Variants in RBFOX1 observed in about 807,000 individuals in gnomAD.
The protein encoded by RBFOX1 is RNA binding fox-1 homolog 1, also known as RNA binding protein fox-1 homolog 1.
Under a neutral mutation model 57.7 loss-of-function variants are expected in RBFOX1, and 8 were observed. The ratio of observed to expected loss-of-function variants is 0.14; its 90% CI spans 0.08 to 0.25. The LOEUF (loss-of-function observed/expected upper bound fraction) is 0.25. Ranked by LOEUF, RBFOX1 falls within the 10% of genes least tolerant of loss-of-function variation. The pLI, the probability that RBFOX1 is intolerant of heterozygous loss-of-function variation, is 1.00. For missense variants in RBFOX1, 611 were observed against 548.5 expected (o/e 1.11, Z -1.14); for synonymous variants, 326 against 222.4 (o/e 1.47, Z -4.15).
intron 4 of RBFOX1, among the ~76,000 whole-genome samples, chr16:7,205,797 T>G (rs2089844013): frequency 6.6e-6 from 1 of 152,230 alleles, no homozygotes; most frequent in Non-Finnish European, 1.5e-5. Context: ...ATTATCTGTA[T>G]GAGGTGAATT....
chr16:5,858,072 G>A (rs1004924754), intron 3 of RBFOX1, among the ~76,000 whole-genome samples: 19 of 152,328 alleles, frequency 1.2e-4, no homozygotes, highest in Admixed American at 2.0e-4. Flanking sequence ...GGGTTTTTAA[G>A]GATCTTTGTC....
intron 4 of RBFOX1, among the ~76,000 whole-genome samples, chr16:7,502,799 A>T (rs1288935409): frequency 6.6e-6 from 1 of 152,144 alleles, no homozygotes; most frequent in Non-Finnish European, 1.5e-5. Flanking sequence ...CAAGATGGGC[A>T]GATCATCTGA....
chr16:7,190,601 C>T (rs9930105), intron 4 of RBFOX1, among the ~76,000 whole-genome samples: 38,679 of 151,548 alleles, frequency 0.26, 5,454 homozygotes, highest in African/African-American at 0.38. Flanking sequence ...AGGTGTAGTA[C>T]TGAGGTATAG....
chr16:7,179,957 G>T (rs1008321490), intron 4 of RBFOX1, among the ~76,000 whole-genome samples: 3 of 151,740 alleles, frequency 2.0e-5, no homozygotes, highest in Non-Finnish European at 4.4e-5. Context: ...TTGCCAGGCA[G>T]ATCTAGAACT....
intron 4 of RBFOX1, among the ~76,000 whole-genome samples, chr16:6,012,588 C>G (rs1302514343): frequency 1.3e-5 from 2 of 152,190 alleles, no homozygotes; most frequent in Non-Finnish European, 2.9e-5. Flanking sequence ...GTTTAAGAAA[C>G]CCTGCTATAG....
intron 5 of RBFOX1, among the ~76,000 whole-genome samples, chr16:7,546,685 T>C (rs1451009877): frequency 2.0e-5 from 3 of 152,246 alleles, no homozygotes; most frequent in Non-Finnish European, 4.4e-5. Context: ...CGAGTCATTA[T>C]TCAATGACTA....
intron 2 of RBFOX1, among the ~76,000 whole-genome samples, chr16:6,357,261 CAG>C (rs1215072776): frequency 6.6e-6 from 1 of 152,042 alleles, no homozygotes; most frequent in Non-Finnish European, 1.5e-5. Context: ...AGCAAATAAA[CAG>C]AGAAGAAAAA....
chr16:5,565,695 T>A (rs1342037136), intron 2 of RBFOX1, among the ~76,000 whole-genome samples: 4 of 152,066 alleles, frequency 2.6e-5, no homozygotes, highest in Non-Finnish European at 5.9e-5. Context: ...TTCCCTCTTT[T>A]ATGATAACCT....
chr16:7,189,554 A>AACACACACAC lies in RBFOX1; in HGVS notation c.27+137480_27+137489dup, dbSNP rs779531861. 7.5e-3 allele frequency among the ~76,000 whole-genome samples: 1,017 copies of AACACACACAC among 135,854 alleles called. 15 individuals carry two copies. The highest frequency in any genetic ancestry group is 0.027 in the African/African-American group (931 of 34,034). The allele number at this position is 135,854 out of a possible 152,430, so 89.1% of individuals were successfully genotyped here. A position where few individuals can be genotyped will look rare whatever the true frequency, so the allele number is the denominator to read the frequency against. On this transcript the variant is annotated intron_variant, in intron 4 of 15. Coordinates refer to ENST00000550418, the MANE Select transcript of RBFOX1 (RefSeq NM_018723.4). ...CACTCCAAAACACTATGTCCCCCAAAACACACACACACACACACACACACA... is the reference window on the plus strand; with the variant it reads ...CACTCCAAAACACTATGTCCCCCAAAACACACACACACACACACACACACACACACACACA...
chr16:6,036,679 A>G (rs2095369533), intron 1 of RBFOX1, among the ~76,000 whole-genome samples: 1 of 152,296 alleles, frequency 6.6e-6, no homozygotes, highest in Non-Finnish European at 1.5e-5. Flanking sequence ...TGTGAGAGAT[A>G]GGGACAAATA....
chr16:5,421,814 A>G (rs1336900951), intron 1 of RBFOX1, among the ~76,000 whole-genome samples: 1 of 152,192 alleles, frequency 6.6e-6, no homozygotes, highest in African/African-American at 2.4e-5. Context: ...AGAAAAATGG[A>G]TATGGAGAGG....
In RBFOX1 at chr16:5,816,374, C is replaced by T. The variant is rs562965077; in HGVS notation, c.319-50929C>T. ...TCTTACTGTCTGAAGCAGCACCTCT[C>T]TACAGAAGTGACAAAACCGTCTTCT... On this transcript the variant is annotated intron_variant, in intron 3 of 19. Transcript: ENST00000641259. Among the ~76,000 whole-genome samples the T allele has an allele frequency of 1.1e-3, 175 of 152,296 alleles. 1 individual carries two copies. Among genetic ancestry groups the T allele is most frequent in the African/African-American group, 4.0e-3 (167 of 41,560 alleles).
intron 3 of RBFOX1, among the ~76,000 whole-genome samples, chr16:6,925,779 T>C (rs551018885): frequency 6.6e-6 from 1 of 152,058 alleles, no homozygotes; most frequent in South Asian, 2.1e-4. Context: ...CAGGTAGGGA[T>C]GATATTTAGA....
intron 1 of RBFOX1, among the ~76,000 whole-genome samples, chr16:6,070,093 T>G (rs2152482489): frequency 6.6e-6 from 1 of 152,378 alleles, no homozygotes; most frequent in South Asian, 2.1e-4. Flanking sequence ...CTTTAAATTC[T>G]ATTGTTTTAG....
intron 3 of RBFOX1, among the ~76,000 whole-genome samples, chr16:7,007,656 T>G (rs888708812): frequency 1.3e-5 from 2 of 152,200 alleles, no homozygotes; most frequent in African/African-American, 4.8e-5. Flanking sequence ...TCTTTCTTGT[T>G]TGGAAGCTCT....
intron 14 of RBFOX1, among the ~76,000 whole-genome samples, chr16:7,707,267 G>GGAGTCTGA (rs2082759777): frequency 6.6e-6 from 1 of 152,076 alleles, no homozygotes; most frequent in Non-Finnish European, 1.5e-5. Context: ...GGTCTAACTT[G>GGAGTCTGA]GAGTCTGAGA....
In RBFOX1 at chr16:6,019,640, C is replaced by A; in HGVS notation, c.-479C>A. On this transcript the variant is annotated 5_prime_UTR_variant, in exon 1 of 16. Transcript: ENST00000550418. This position sits in a 1 kb window ranked among gnomAD's most constrained non-coding sequence, Gnocchi z 4.2. ...CCGAGCACCCCACATCTGGAGGGGA[C>A]AGCCAGCCGTGGGCCCCGCCCCGGC... 7.7e-7 allele frequency: 1 copy of A among 1,293,046 alleles called. No individual in the cohort carries two copies. Among genetic ancestry groups the A allele is most frequent in the Non-Finnish European group, 9.8e-7 (1 of 1,020,060 alleles). The allele number at this position is 1,293,046 out of a possible 1,614,324, so 80.1% of individuals were successfully genotyped here.
intron 4 of RBFOX1, among the ~76,000 whole-genome samples, chr16:5,911,716 G>C (rs146662524): frequency 0.012 from 1,879 of 152,308 alleles, 23 homozygotes; most frequent in Non-Finnish European, 0.02. Context: ...GATGAAGGCA[G>C]ATTCCGTGTC....
At chr16:6,960,150 G>A (rs2082659095) in intron 3 of RBFOX1, among the ~76,000 whole-genome samples, 1 of 151,960 alleles carries the variant, frequency 6.6e-6, no homozygotes, top group African/African-American at 2.4e-5. Context: ...TAAGTTTTTT[G>A]GGTTTCTAAA....
Sources: gnomAD v4.1 joint callset for allele counts (sites outside exome capture counted in the v4.1 genomes callset) on GRCh38, gnomAD v4.1.1 for gene constraint, Gnocchi (gnomAD v3.1) non-coding constraint, MANE v1.5 for transcripts, NCBI Gene and HGNC (gene_info 2026-07-23, HGNC 2026-07-21) for gene names.